Variants in SLC4A7 observed in about 807,000 individuals in gnomAD.
SLC4A7 encodes solute carrier family 4 member 7, also known as sodium bicarbonate cotransporter 3.
Under a neutral mutation model 137.6 loss-of-function variants are expected in SLC4A7, and 51 were observed. The observed-to-expected ratio is 0.37, with a 90% CI of 0.30 to 0.47. The LOEUF (loss-of-function observed/expected upper bound fraction) is 0.47. SLC4A7 is among the 20% of genes least tolerant of loss of function. SLC4A7 has a pLI of 1.00. For synonymous variants in SLC4A7, 542 were observed against 518.6 expected, an observed-to-expected ratio of 1.05 and a Z score of -0.61; for missense variants, 1,247 against 1,525.4, an observed-to-expected ratio of 0.82 and a Z score of 3.04.
intron 24 of SLC4A7, 58 bp from the exon 25 acceptor site, chr3:27,379,414 G>T (rs2050199125): frequency 2.4e-6 from 2 of 849,012 alleles, no homozygotes; most frequent in Non-Finnish European, 3.8e-6. Context: ...CATTAATATT[G>T]TCATTCTTAT....
intron 1 of SLC4A7, among the ~76,000 whole-genome samples, chr3:27,470,883 A>G (rs948669830): frequency 1.1e-4 from 16 of 152,286 alleles, no homozygotes; most frequent in Middle Eastern, 3.4e-3. Flanking sequence ...CGGAGGTTGC[A>G]ATGAGCCGAG....
In SLC4A7 at chr3:27,404,889, T is replaced by A; in HGVS notation, c.2016A>T (p.Thr672=). Residue 672 remains threonine, a synonymous_variant, in exon 14 of 26, where the codon ACA becomes ACT. Coordinates refer to ENST00000454389, the MANE Select transcript of SLC4A7 (RefSeq NM_001321103.2). ...GAACTGGACCTGTGCTCCCCAATATTGTTAGAGGTTGCCCAGCAAACAATG... is the reference window on the plus strand; with the variant it reads ...GAACTGGACCTGTGCTCCCCAATATAGTTAGAGGTTGCCCAGCAAACAATG... The part of the protein sequence containing the change: ...AYSLFAGQPL[T]ILGSTGPVLV... The A allele has an allele frequency of 1.2e-6, 2 of 1,611,124 alleles. No individual in the cohort carries two copies. The highest frequency in any genetic ancestry group is 2.7e-5 in the African/African-American group (2 of 74,808).
At chr3:27,394,812 T>C (rs1187339968) in intron 19 of SLC4A7, 43 bp from the exon 20 acceptor site, 3 of 1,583,858 alleles carry the variant, frequency 1.9e-6, no homozygotes, top group Non-Finnish European at 2.6e-6. Flanking sequence ...GTCTAAATGG[T>C]TCCCTCAATT....
chr3:27,478,523 A>C (rs1477373571), intron 1 of SLC4A7, among the ~76,000 whole-genome samples: 1 of 151,772 alleles, frequency 6.6e-6, no homozygotes, highest in Non-Finnish European at 1.5e-5. Flanking sequence ...AAAAAAAAAA[A>C]AAAAAAACCC....
intron 11 of SLC4A7, among the ~76,000 whole-genome samples, chr3:27,418,239 A>G (rs141821300): frequency 1.3e-5 from 2 of 152,316 alleles, no homozygotes; most frequent in Non-Finnish European, 1.5e-5. Flanking sequence ...TATATGCAAT[A>G]CACTAACTTT....
intron 1 of SLC4A7, 45 bp downstream of exon 1, chr3:27,484,015 TCGCCCCG>T: frequency 7.6e-7 from 1 of 1,308,186 alleles, no homozygotes; most frequent in South Asian, 1.9e-5. Context: ...TTTGTCTGCC[TCGCCCCG>T]CGCCCTCCCC....
At chr3:27,441,170 A>C (rs534784396) in intron 3 of SLC4A7, among the ~76,000 whole-genome samples, 1 of 152,330 alleles carries the variant, frequency 6.6e-6, no homozygotes, top group East Asian at 1.9e-4. Flanking sequence ...CACTCAGCCT[A>C]CCACTCCCAT....
intron 11 of SLC4A7, among the ~76,000 whole-genome samples, chr3:27,413,680 A>C (rs2054118736): frequency 6.6e-6 from 1 of 152,218 alleles, no homozygotes; most frequent in African/African-American, 2.4e-5. Context: ...TTTAAATGTC[A>C]ATAAAAAAGA....
intron 3 of SLC4A7, among the ~76,000 whole-genome samples, chr3:27,448,245 A>G (rs2057818287): frequency 6.6e-6 from 1 of 151,706 alleles, no homozygotes; most frequent in South Asian, 2.1e-4. Flanking sequence ...GAAGAAGGAA[A>G]AAAACTTTAA....
chr3:27,378,564 C>T (rs1200912768), intron 25 of SLC4A7, among the ~76,000 whole-genome samples: 1 of 152,162 alleles, frequency 6.6e-6, no homozygotes, highest in Non-Finnish European at 1.5e-5. Context: ...AAAAAGGTTA[C>T]ATAACAAGAA....
intron 6 of SLC4A7, among the ~76,000 whole-genome samples, chr3:27,432,999 A>G (rs899650523): frequency 6.6e-6 from 1 of 152,220 alleles, no homozygotes; most frequent in African/African-American, 2.4e-5. Context: ...TTTTAAATGG[A>G]TTAAAAAGGG....
At chr3:27,434,726 C>T (rs1162581230) in intron 5 of SLC4A7, among the ~76,000 whole-genome samples, 1 of 151,960 alleles carries the variant, frequency 6.6e-6, no homozygotes, top group Non-Finnish European at 1.5e-5. Flanking sequence ...TTATACATTA[C>T]TGAGGTGATT....
rs764152451 is a variant in SLC4A7 at position 27,431,294 on chromosome 3, T to C, written c.1150+4A>G. Reference sequence around the variant, plus strand: ...ACCACACATGGAGGATTTTGGATAGTTGCCTGGAGTTAAGTCAACATTTTC... The same window carrying C: ...ACCACACATGGAGGATTTTGGATAGCTGCCTGGAGTTAAGTCAACATTTTC... On this transcript the variant is annotated splice_donor_region_variant and intron_variant, in intron 7 of 25. Coordinates refer to ENST00000454389, the MANE Select transcript of SLC4A7 (RefSeq NM_001321103.2). 9.0e-6 allele frequency: 14 copies of C among 1,563,896 alleles called. No homozygotes were observed. In the South Asian group the frequency reaches 1.2e-4, roughly 14 times the overall value.
chr3:27,452,533 C>A (rs1385252031), intron 1 of SLC4A7, 35 bp from the exon 2 acceptor site: 1 of 1,427,900 alleles, frequency 7.0e-7, no homozygotes, highest in Admixed American at 2.0e-5. Flanking sequence ...CTCATGAGAT[C>A]ACAATCTATT....
chr3:27,410,956 T>C (rs2053844089), intron 12 of SLC4A7, among the ~76,000 whole-genome samples: 1 of 152,116 alleles, frequency 6.6e-6, no homozygotes, highest in Admixed American at 6.5e-5. Context: ...CCTGTTTTTT[T>C]TACACAAAGA....
At chr3:27,451,623 G>A (rs1002194145) in intron 2 of SLC4A7, among the ~76,000 whole-genome samples, 1 of 152,100 alleles carries the variant, frequency 6.6e-6, no homozygotes, top group Non-Finnish European at 1.5e-5. Flanking sequence ...TTAGGAGACT[G>A]AGGAGACTTG....
In SLC4A7 at chr3:27,424,280, G is replaced by C. The variant is rs1334481669; in HGVS notation, c.1151-128C>G. 4 of 519,018 alleles carry C rather than the reference G, an allele frequency of 7.7e-6. No homozygotes were observed. The Admixed American group carries it at 1.1e-4, about 15-fold the overall frequency. 32.2% of individuals were successfully genotyped at this position (519,018 alleles called of 1,614,324 possible). A position where few individuals can be genotyped will look rare whatever the true frequency, so the allele number is the denominator to read the frequency against. On this transcript the variant is annotated intron_variant, in intron 7 of 25. Transcript: ENST00000454389. ...AAATGTGCAAGGTTAAAAAAAATAAGTGCCCGGTGTTAGTAACATACCAGC... is the reference window on the plus strand; with the variant it reads ...AAATGTGCAAGGTTAAAAAAAATAACTGCCCGGTGTTAGTAACATACCAGC...
At chr3:27,480,629 G>A (rs62257199) in intron 1 of SLC4A7, among the ~76,000 whole-genome samples, 19,193 of 152,010 alleles carry the variant, frequency 0.13, 1,202 homozygotes, top group Middle Eastern at 0.19. Flanking sequence ...CTGAAACCCT[G>A]ATACTATTCC....
chr3:27,409,875 G>T (rs1309317243), intron 12 of SLC4A7, among the ~76,000 whole-genome samples: 1 of 152,120 alleles, frequency 6.6e-6, no homozygotes, highest in Non-Finnish European at 1.5e-5. Context: ...ATGAAAATGT[G>T]CATAAGCAAT....
Sources: gnomAD v4.1 joint callset for allele counts (sites outside exome capture counted in the v4.1 genomes callset) on GRCh38, gnomAD v4.1.1 for gene constraint, MANE v1.5 for transcripts, NCBI Gene and HGNC (gene_info 2026-07-23, HGNC 2026-07-21) for gene names.